Variants in KCNT1 observed in about 807,000 individuals in gnomAD.
The protein encoded by KCNT1 is potassium sodium-activated channel subfamily T member 1.
KCNT1 carries 78 observed loss-of-function variants against 147.8 expected under a neutral mutation model. That is an observed-to-expected ratio of 0.53 (90% CI 0.44 to 0.64). KCNT1 has a LOEUF of 0.64. Ranked by LOEUF, KCNT1 falls within the 30% of genes least tolerant of loss-of-function variation. KCNT1 has a pLI of 0.00. For synonymous variants in KCNT1, 867 were observed against 748.8 expected (o/e 1.16, Z -2.58); for missense variants, 1,419 against 1,750.3 (o/e 0.81, Z 3.38).
chr9:135,786,322 G>C lies in KCNT1; in HGVS notation c.3303G>C (p.Glu1101Asp), dbSNP rs1303537620. 6.3e-7 allele frequency: 1 copy of C among 1,599,074 alleles called. No individual in the cohort carries two copies. Among genetic ancestry groups the C allele is most frequent in the Admixed American group, 1.7e-5 (1 of 57,746 alleles). The stretch of plus-strand genomic sequence containing the variant: ...ACACGGGCGGCGGTGACCCCGCAGA[G>C]CACCCACTGCTACGGCGCAAGAGCC... ...GRHTGGGDPA[E>D]HPLLRRKSLQ... Residue 1101 changes from glutamate (E) to aspartate (D), a missense_variant, in exon 29 of 31, where the codon GAG becomes GAC. Glu to Asp is a conservative substitution (Grantham distance 45). Coordinates refer to ENST00000371757, the MANE Select transcript of KCNT1 (RefSeq NM_020822.3).
intron 11 of KCNT1, among the ~76,000 whole-genome samples, chr9:135,760,314 C>G (rs139145617): frequency 2.0e-5 from 3 of 152,166 alleles, no homozygotes; most frequent in African/African-American, 7.2e-5. Context: ...GAGGAGGGGA[C>G]GGGGCAAGAC....
intron 1 of KCNT1, among the ~76,000 whole-genome samples, chr9:135,710,954 G>A (rs1309084236): frequency 6.6e-6 from 1 of 152,072 alleles, no homozygotes; most frequent in African/African-American, 2.4e-5. Flanking sequence ...GGGCTCCCGC[G>A]CCTGCTGTGA....
chr9:135,757,415 G>T (rs769807671), intron 9 of KCNT1, 34 bp downstream of exon 9: 11 of 1,582,688 alleles, frequency 7.0e-6, no homozygotes, highest in African/African-American at 1.3e-5. Flanking sequence ...CTGGGACTTG[G>T]GGGGGCCACC....
intron 29 of KCNT1, chr9:135,791,559 G>A (rs527510172): frequency 3.2e-5 from 17 of 528,148 alleles, no homozygotes; most frequent in East Asian, 9.8e-5. Context: ...AGGTGGGTGC[G>A]GGTCAGAGCT....
At chr9:135,742,483 C>A (rs1048547996) in intron 2 of KCNT1, among the ~76,000 whole-genome samples, 21 of 152,294 alleles carry the variant, frequency 1.4e-4, no homozygotes, top group African/African-American at 4.6e-4. Context: ...GACCTCCAAG[C>A]GGGCTGTGCT....
intron 13 of KCNT1, among the ~76,000 whole-genome samples, chr9:135,766,288 C>T (rs1432936574): frequency 6.6e-6 from 1 of 150,798 alleles, no homozygotes; most frequent in Non-Finnish European, 1.5e-5. Flanking sequence ...CTAGGGTAGA[C>T]TGTCCAGGGT....
In KCNT1 at chr9:135,769,701, G is replaced by A. The variant is rs535786371; in HGVS notation, c.1511-246G>A. Among the ~76,000 whole-genome samples, 9 of 152,300 alleles carry A rather than the reference G, an allele frequency of 5.9e-5. No individual in the cohort carries two copies. In the East Asian group the frequency reaches 1.4e-3, roughly 23 times the overall value. ...AGGCACAGGGGCCAGGGCCTGCCCC[G>A]CCCTGGAACTCCTCGCTGAGCTGGG... On this transcript the variant is annotated intron_variant, in intron 15 of 30. Coordinates refer to ENST00000371757, the MANE Select transcript of KCNT1 (RefSeq NM_020822.3).
intron 19 of KCNT1, among the ~76,000 whole-genome samples, chr9:135,773,794 T>A (rs1393326687): frequency 2.0e-5 from 3 of 152,178 alleles, no homozygotes; most frequent in Non-Finnish European, 4.4e-5. Flanking sequence ...TGTTGGGTGC[T>A]GCTGGGGACG....
At position 135,727,636 on chromosome 9, in the gene KCNT1, G is replaced by A. The variant is rs1349806246; in HGVS notation, c.254+12916G>A. Among the ~76,000 whole-genome samples the A allele has an allele frequency of 3.3e-5, 5 of 152,308 alleles. No individual in the cohort carries two copies. In the South Asian group the frequency reaches 6.2e-4, roughly 19 times the overall value. ...TGGTACTGTTGTGCCTTTGAAGGGA[G>A]GTGTGGCACCAGGCCGGGTGGTGTC... is the stretch of plus-strand genomic sequence containing the variant. On this transcript the variant is annotated intron_variant, in intron 2 of 30. Coordinates refer to ENST00000371757, the MANE Select transcript of KCNT1 (RefSeq NM_020822.3).
At chr9:135,782,966 C>T (rs4598328) in intron 24 of KCNT1, among the ~76,000 whole-genome samples, 17,208 of 152,292 alleles carry the variant, frequency 0.11, 1,319 homozygotes, top group South Asian at 0.18. Flanking sequence ...AAAGGGGCTT[C>T]TGCCTGCTTG....
chr9:135,756,974 CCCTCCCCACCCTCCCCAGCCTCCCCCA>C (rs779340087), intron 7 of KCNT1, 42 bp downstream of exon 7: 2 of 818,656 alleles, frequency 2.4e-6, no homozygotes, highest in Admixed American at 6.5e-5. Flanking sequence ...GGGGTCCCCA[CCCTCCCCACCCTCCCCAGCCTCCCCCA>C]CCTCCCCCAC....
chr9:135,715,743 G>A (rs756392224), intron 2 of KCNT1, among the ~76,000 whole-genome samples: 7 of 152,224 alleles, frequency 4.6e-5, no homozygotes, highest in African/African-American at 1.2e-4. Flanking sequence ...CAGTCCTAGG[G>A]ACTGTATCCA....
chr9:135,751,932 T>C (rs1831200396), intron 4 of KCNT1: 2 of 171,086 alleles, frequency 1.2e-5, no homozygotes, highest in East Asian at 1.7e-4. Flanking sequence ...CCAGAAATCC[T>C]TTCTCTGAAT....
chr9:135,742,603 C>T (rs949515899), intron 2 of KCNT1, among the ~76,000 whole-genome samples: 2 of 130,672 alleles, frequency 1.5e-5, no homozygotes, highest in South Asian at 2.3e-4. Context: ...GCCAAAGGTC[C>T]GGGCCCCCCA....
chr9:135,706,031 C>G (rs969557884), intron 1 of KCNT1, among the ~76,000 whole-genome samples: 2 of 152,128 alleles, frequency 1.3e-5, no homozygotes, highest in Admixed American at 1.3e-4. Context: ...GAGCAGAGGG[C>G]CTGGAGGAGC....
chr9:135,784,380 G>T (rs377627922), intron 25 of KCNT1, among the ~76,000 whole-genome samples, 155 bp from the exon 26 acceptor site: 13 of 152,202 alleles, frequency 8.5e-5, no homozygotes, highest in African/African-American at 2.9e-4. Flanking sequence ...GGTGCTTGGG[G>T]ACCTGGTGGT....
chr9:135,751,347 C>T (rs1324458383), intron 4 of KCNT1, among the ~76,000 whole-genome samples: 2 of 151,898 alleles, frequency 1.3e-5, no homozygotes. Context: ...TCCCTGCCCC[C>T]ACAAGTGTCT....
At chr9:135,774,723 G>A (rs559386249) in intron 19 of KCNT1, among the ~76,000 whole-genome samples, 16 of 152,044 alleles carry the variant, frequency 1.1e-4, no homozygotes, top group East Asian at 1.9e-4. Context: ...ATTTCTGTGC[G>A]CATGTGTTGT....
chr9:135,779,315 T>A, intron 23 of KCNT1, 44 bp from the exon 24 acceptor site: 1 of 1,165,908 alleles, frequency 8.6e-7, no homozygotes, highest in Non-Finnish European at 1.2e-6. Context: ...TGAGACCTCC[T>A]ACAACCACCA....
Sources: allele counts gnomAD v4.1 joint callset (sites outside exome capture counted in the v4.1 genomes callset), GRCh38; gene constraint gnomAD v4.1.1; transcripts MANE v1.5; gene names NCBI Gene and HGNC (gene_info 2026-07-23, HGNC 2026-07-21).